The following FOXJ3 variants were observed in gnomAD, a reference collection of about 807,000 sequenced individuals.
FOXJ3 encodes the protein forkhead box protein J3.
In FOXJ3, 22 loss-of-function variants were observed where a neutral mutation model predicts 76.1. The observed-to-expected ratio is 0.29, with a 90% CI of 0.21 to 0.41. FOXJ3 has a LOEUF of 0.41. Among genes scored for constraint, FOXJ3 ranks in the 10% least tolerant of loss-of-function variants. The pLI, the probability that FOXJ3 is intolerant of heterozygous loss-of-function variation, is 1.00. For missense variants in FOXJ3, 613 were observed against 762.1 expected, an observed-to-expected ratio of 0.80 and a Z score of 2.30; for synonymous variants, 269 against 261.2, an observed-to-expected ratio of 1.03 and a Z score of -0.29.
At chr1:42,201,008 TAG>T (rs1433546188) in intron 6 of FOXJ3, among the ~76,000 whole-genome samples, 3 of 152,216 alleles carry the variant, frequency 2.0e-5, no homozygotes, top group Non-Finnish European at 4.4e-5. Flanking sequence ...GTGTTCTGTG[TAG>T]AGTTCATCTT....
intron 2 of FOXJ3, among the ~76,000 whole-genome samples, chr1:42,300,632 G>T (rs1488123437): frequency 1.3e-5 from 2 of 152,064 alleles, no homozygotes; most frequent in Non-Finnish European, 2.9e-5. Flanking sequence ...AAGAAAATTA[G>T]CCGGGCATGG....
chr1:42,211,283 T>C (rs1646961464), intron 5 of FOXJ3, among the ~76,000 whole-genome samples: 1 of 152,146 alleles, frequency 6.6e-6, no homozygotes, highest in Non-Finnish European at 1.5e-5. Context: ...GCCCTCCAGA[T>C]TCAGGCTTCC....
intron 5 of FOXJ3, among the ~76,000 whole-genome samples, chr1:42,206,449 G>C (rs1285762314): frequency 6.6e-6 from 1 of 152,098 alleles, no homozygotes. Context: ...GAAAATACCG[G>C]AAAAACAGGA....
In FOXJ3 at chr1:42,205,839, A is replaced by T. The variant is rs1557636423; in HGVS notation, c.553T>A (p.Ser185Thr). The T allele has an allele frequency of 2.5e-6, 4 of 1,610,634 alleles. No individual in the cohort carries two copies. Among genetic ancestry groups the T allele is most frequent in the Non-Finnish European group, 3.4e-6 (4 of 1,177,042 alleles). ...ATACACTCCATTCCCAAAGAATCTGAATCTATGCTATATGGAGTTGAGGCC... is the reference window on the plus strand; with the variant it reads ...ATACACTCCATTCCCAAAGAATCTGTATCTATGCTATATGGAGTTGAGGCC... ...ERASTPYSID[S>T]DSLGMECIIS... Residue 185 changes from serine to threonine, a missense_variant, in exon 6 of 13, where the codon TCA becomes ACA. Ser to Thr is a moderately conservative substitution (Grantham distance 58, BLOSUM62 1). Transcript: ENST00000361346.
intron 2 of FOXJ3, among the ~76,000 whole-genome samples, chr1:42,302,260 T>C (rs1231481707): frequency 1.3e-5 from 2 of 152,246 alleles, no homozygotes; most frequent in Admixed American, 6.5e-5. Context: ...CAATTAAACT[T>C]CCAGGTCAGT....
chr1:42,251,939 G>A (rs572156672), intron 4 of FOXJ3, among the ~76,000 whole-genome samples: 231 of 151,910 alleles, frequency 1.5e-3, no homozygotes, highest in African/African-American at 5.1e-3. Context: ...GGATGGTCTC[G>A]ATCTCCTGAC....
At chr1:42,216,693 T>C (rs1412123003) in intron 5 of FOXJ3, among the ~76,000 whole-genome samples, 2 of 152,124 alleles carry the variant, frequency 1.3e-5, no homozygotes, top group African/African-American at 2.4e-5. Flanking sequence ...GATTTTTACA[T>C]TTACATGAAG....
chr1:42,237,959 CATATAT>C (rs1187302411), intron 4 of FOXJ3, among the ~76,000 whole-genome samples: 1 of 151,746 alleles, frequency 6.6e-6, no homozygotes, highest in Admixed American at 6.6e-5. Context: ...GACACACACA[CATATAT>C]ATATGACAGT....
chr1:42,180,719 T>A (rs1646301562), intron 12 of FOXJ3, among the ~76,000 whole-genome samples: 1 of 152,056 alleles, frequency 6.6e-6, no homozygotes, highest in Non-Finnish European at 1.5e-5. Context: ...TGCCTCCATT[T>A]AAAAAAAACT....
intron 2 of FOXJ3, among the ~76,000 whole-genome samples, chr1:42,302,010 C>T (rs181456928): frequency 4.3e-4 from 65 of 152,088 alleles, no homozygotes; most frequent in Admixed American, 6.5e-4. Flanking sequence ...ATATATGTTG[C>T]GTAGGGTCTT....
intron 5 of FOXJ3, among the ~76,000 whole-genome samples, chr1:42,211,412 A>C (rs980512487): frequency 2.0e-5 from 3 of 151,772 alleles, no homozygotes; most frequent in Admixed American, 6.6e-5. Context: ...CTGGGAGGTG[A>C]CTGTTTTCCT....
chr1:42,257,613 C>T (rs984493627), intron 4 of FOXJ3, among the ~76,000 whole-genome samples: 1 of 151,800 alleles, frequency 6.6e-6, no homozygotes, highest in African/African-American at 2.4e-5. Context: ...GTGGCACACG[C>T]TTGTAATCCC....
intron 6 of FOXJ3, among the ~76,000 whole-genome samples, chr1:42,202,551 T>C (rs1646783151): frequency 6.6e-6 from 1 of 152,228 alleles, no homozygotes; most frequent in South Asian, 2.1e-4. Flanking sequence ...TGGGTAAATG[T>C]AAAGCCATTT....
chr1:42,206,183 T>C (rs747766624), intron 5 of FOXJ3, among the ~76,000 whole-genome samples: 1 of 152,184 alleles, frequency 6.6e-6, no homozygotes, highest in Non-Finnish European at 1.5e-5. Context: ...CTTTCAGTAA[T>C]AGATATTTAC....
chr1:42,227,676 A>C, intron 5 of FOXJ3, among the ~76,000 whole-genome samples: 1 of 152,216 alleles, frequency 6.6e-6, no homozygotes, highest in East Asian at 1.9e-4. Context: ...ATTATGACAA[A>C]ACCTTTTACT....
chr1:42,287,225 A>G (rs575891006), intron 2 of FOXJ3, among the ~76,000 whole-genome samples: 63 of 152,064 alleles, frequency 4.1e-4, no homozygotes, highest in African/African-American at 1.5e-3. Context: ...CTGTAATCCC[A>G]GCTACTTGGG....
intron 7 of FOXJ3, among the ~76,000 whole-genome samples, chr1:42,198,356 C>T (rs961966477): frequency 1.3e-5 from 2 of 152,062 alleles, no homozygotes; most frequent in East Asian, 1.9e-4. Context: ...TATTTTCTTT[C>T]GGGTCCCTCC....
chr1:42,237,911 T>TACACACACACAC (rs60804378), intron 4 of FOXJ3, among the ~76,000 whole-genome samples: 56 of 150,720 alleles, frequency 3.7e-4, no homozygotes, highest in Middle Eastern at 3.4e-3. Flanking sequence ...TCTATCAAAA[T>TACACACACACAC]ACACACACAC....
At chr1:42,274,231 G>C (rs1221452081) in intron 3 of FOXJ3, among the ~76,000 whole-genome samples, 1 of 152,130 alleles carries the variant, frequency 6.6e-6, no homozygotes, top group African/African-American at 2.4e-5. Flanking sequence ...AGCTTAAATA[G>C]AGCCACTACT....
Sources: allele counts gnomAD v4.1 joint callset (sites outside exome capture counted in the v4.1 genomes callset), GRCh38; gene constraint gnomAD v4.1.1; transcripts MANE v1.5; gene names NCBI Gene and HGNC (gene_info 2026-07-23, HGNC 2026-07-21).